The following FAT3 variants were observed in gnomAD, a reference collection of about 807,000 sequenced individuals.
FAT3 encodes FAT atypical cadherin 3, also known as protocadherin Fat 3.
In FAT3, 95 loss-of-function variants were observed where a neutral mutation model predicts 310.2. That is an observed-to-expected ratio of 0.31 (90% CI 0.26 to 0.36). The LOEUF is 0.36. Among genes scored for constraint, FAT3 ranks in the 10% least tolerant of loss-of-function variants. The pLI, the probability that FAT3 is intolerant of heterozygous loss-of-function variation, is 1.00. For synonymous variants in FAT3, 2,314 were observed against 2,192.9 expected (o/e 1.06, Z -1.54); for missense variants, 5,408 against 5,715.6 (o/e 0.95, Z 1.74).
At chr11:92,688,708 G>A (rs1461266168) in intron 3 of FAT3, among the ~76,000 whole-genome samples, 3 of 152,116 alleles carry the variant, frequency 2.0e-5, no homozygotes, top group South Asian at 2.1e-4. Flanking sequence ...GGTCTGGGGG[G>A]AGCCTACAAG....
chr11:92,283,613 C>T (rs544741539), intron 1 of FAT3, among the ~76,000 whole-genome samples: 102 of 152,106 alleles, frequency 6.7e-4, no homozygotes, highest in Admixed American at 1.2e-3. Context: ...CTAGTTTCAC[C>T]TTCAATTCAG....
chr11:92,474,915 C>A (rs2135165639), intron 2 of FAT3, among the ~76,000 whole-genome samples: 1 of 152,302 alleles, frequency 6.6e-6, no homozygotes, highest in South Asian at 2.1e-4. Flanking sequence ...TGATTGTATT[C>A]ATGGCTTGTT....
At chr11:92,335,711 G>A (rs1264653006) in intron 1 of FAT3, among the ~76,000 whole-genome samples, 2 of 152,298 alleles carry the variant, frequency 1.3e-5, no homozygotes, top group South Asian at 2.1e-4. Flanking sequence ...TTGTAGGTTA[G>A]TGGTTTTGAG....
intron 3 of FAT3, among the ~76,000 whole-genome samples, chr11:92,633,077 C>T (rs1941617702): frequency 6.6e-6 from 1 of 152,094 alleles, no homozygotes; most frequent in Non-Finnish European, 1.5e-5. Flanking sequence ...GTTCCTGGTT[C>T]TTGATTTTTC....
chr11:92,707,010 T>A (rs1189760350), intron 4 of FAT3, among the ~76,000 whole-genome samples: 2 of 152,204 alleles, frequency 1.3e-5, no homozygotes, highest in Non-Finnish European at 2.9e-5. Context: ...TTTTTAACTT[T>A]GCTTTTCTGT....
intron 2 of FAT3, among the ~76,000 whole-genome samples, chr11:92,487,530 A>C (rs575903889): frequency 6.6e-6 from 1 of 152,308 alleles, no homozygotes; most frequent in South Asian, 2.1e-4. Flanking sequence ...ATACAGATAT[A>C]ATGTACTCTA....
At position 92,355,215 on chromosome 11, in the gene FAT3, A is replaced by G. The variant is rs776757183; in HGVS notation, c.3103A>G (p.Asn1035Asp). The change falls in exon 2 of 28, where the codon AAT becomes GAT. Residue 1035 changes from asparagine to aspartate, a missense_variant. Physicochemically the swap from Asn to Asp is conservative, Grantham distance 23. Around this residue, in one of 5 missense-constraint regions of FAT3, gnomAD observed 4,588 missense variants for 4,809.8 expected, o/e 0.95. Coordinates refer to ENST00000525166, the MANE Select transcript of FAT3 (RefSeq NM_001367949.2). ...SFVEVEVVDVNENLHTPYFPD... is the reference protein window; with the variant it reads ...SFVEVEVVDVDENLHTPYFPD... ...TGTTGAGGTGGAAGTGGTGGATGTCAATGAAAACCTCCACACTCCCTATTT... is the reference window on the plus strand; with the variant it reads ...TGTTGAGGTGGAAGTGGTGGATGTCGATGAAAACCTCCACACTCCCTATTT... 1.2e-6 allele frequency: 2 copies of G among 1,613,750 alleles called. No homozygotes were observed. Among genetic ancestry groups the G allele is most frequent in the South Asian group, 2.2e-5 (2 of 91,072 alleles).
At chr11:92,483,140 T>C (rs1329732725) in intron 2 of FAT3, among the ~76,000 whole-genome samples, 1 of 152,172 alleles carries the variant, frequency 6.6e-6, no homozygotes, top group Non-Finnish European at 1.5e-5. Context: ...ACCATAGTGC[T>C]GATGCTTGGA....
intron 1 of FAT3, among the ~76,000 whole-genome samples, chr11:92,321,638 T>C (rs1242684953): frequency 1.3e-5 from 2 of 152,278 alleles, no homozygotes; most frequent in Non-Finnish European, 2.9e-5. Context: ...TTTCTCTTCA[T>C]AAACACTATT....
intron 2 of FAT3, among the ~76,000 whole-genome samples, chr11:92,484,651 C>G (rs1206919119): frequency 6.6e-6 from 1 of 152,136 alleles, no homozygotes; most frequent in African/African-American, 2.4e-5. Flanking sequence ...TGAAAAAAAT[C>G]AAATCATTTA....
intron 7 of FAT3, among the ~76,000 whole-genome samples, chr11:92,776,500 C>T (rs140898541): frequency 8.0e-4 from 122 of 152,270 alleles, no homozygotes; most frequent in African/African-American, 2.8e-3. Context: ...CACAGTGATT[C>T]ACAGTTTTAA....
chr11:92,853,848 A>C (rs538376858), intron 19 of FAT3, among the ~76,000 whole-genome samples: 2 of 152,260 alleles, frequency 1.3e-5, no homozygotes, highest in South Asian at 4.1e-4. Context: ...GCAGACCCAG[A>C]AAAAGCACCA....
intron 7 of FAT3, among the ~76,000 whole-genome samples, chr11:92,779,153 A>G (rs914577721): frequency 1.3e-5 from 2 of 152,124 alleles, no homozygotes; most frequent in Non-Finnish European, 2.9e-5. Context: ...GGAGGAATAG[A>G]GAGTATCCAG....
chr11:92,384,143 C>T (rs970392743), intron 2 of FAT3, among the ~76,000 whole-genome samples: 2 of 152,104 alleles, frequency 1.3e-5, no homozygotes, highest in South Asian at 4.1e-4. Flanking sequence ...TGATGGGAAG[C>T]GGGTGGTCAT....
intron 2 of FAT3, 85 bp from the exon 3 acceptor site, chr11:92,524,549 T>A: frequency 1.5e-6 from 2 of 1,308,704 alleles, no homozygotes; most frequent in Non-Finnish European, 2.1e-6. Context: ...CCAAGATTAT[T>A]TAGTGTAGTC....
At chr11:92,243,155 A>G (rs1864736090) in intron 1 of FAT3, among the ~76,000 whole-genome samples, 1 of 151,944 alleles carries the variant, frequency 6.6e-6, no homozygotes, top group Admixed American at 6.6e-5. Flanking sequence ...CCTGTTTCCT[A>G]TTGTCTTCTT....
chr11:92,631,683 G>T (rs150100226), intron 3 of FAT3, among the ~76,000 whole-genome samples: 1 of 152,066 alleles, frequency 6.6e-6, no homozygotes, highest in African/African-American at 2.4e-5. Context: ...CCAGTGTCAG[G>T]TATTTCTTTA....
chr11:92,562,838 A>G (rs1386606624), intron 3 of FAT3, among the ~76,000 whole-genome samples: 5 of 152,200 alleles, frequency 3.3e-5, no homozygotes, highest in Non-Finnish European at 7.3e-5. Flanking sequence ...CTGGCCCTCA[A>G]CAGATTGGAT....
intron 2 of FAT3, among the ~76,000 whole-genome samples, chr11:92,482,053 G>C (rs1332521302): frequency 2.0e-5 from 3 of 151,996 alleles, no homozygotes; most frequent in African/African-American, 7.2e-5. Flanking sequence ...AATTGGGTAA[G>C]ACTATATATA....
Sources: allele counts gnomAD v4.1 joint callset (sites outside exome capture counted in the v4.1 genomes callset), GRCh38; gene constraint gnomAD v4.1.1; regional missense constraint gnomAD v4.1.1; transcripts MANE v1.5; gene names NCBI Gene and HGNC (gene_info 2026-07-23, HGNC 2026-07-21).